The following CAPG variants were observed in gnomAD, a reference collection of about 807,000 sequenced individuals.
CAPG encodes the protein macrophage-capping protein.
A neutral mutation model predicts 44.6 loss-of-function variants in CAPG; 32 were observed. The observed-to-expected ratio is 0.72, with a 90% confidence interval of 0.54 to 0.96. The LOEUF is 0.96. Ranked by LOEUF, CAPG falls within the 50% of genes least tolerant of loss-of-function variation. The pLI is 0.00. For synonymous variants in CAPG, 175 were observed against 179.6 expected (o/e 0.97, Z 0.20); for missense variants, 412 against 438.3 (o/e 0.94, Z 0.54).
At chr2:85,408,160 T>C (rs1687252933) in intron 1 of CAPG, among the ~76,000 whole-genome samples, 1 of 151,992 alleles carries the variant, frequency 6.6e-6, no homozygotes, top group African/African-American at 2.4e-5. Context: ...CTGGCCAACA[T>C]GGTGAAACTC....
chr2:85,392,288 G>A (rs1437873661), downstream of CAPG, among the ~76,000 whole-genome samples: 1 of 152,082 alleles, frequency 6.6e-6, no homozygotes, highest in Non-Finnish European at 1.5e-5. Flanking sequence ...TACTCAAGAG[G>A]CTGAGGCAGG....
chr2:85,411,723 CA>C (rs890254974), upstream of CAPG, among the ~76,000 whole-genome samples: 1 of 152,180 alleles, frequency 6.6e-6, no homozygotes, highest in African/African-American at 2.4e-5. Context: ...GACCTTCAAA[CA>C]AAACCTCATT....
chr2:85,405,396 A>T (rs1687100113), intron 1 of CAPG, among the ~76,000 whole-genome samples: 1 of 152,110 alleles, frequency 6.6e-6, no homozygotes, highest in African/African-American at 2.4e-5. Flanking sequence ...CTGTGCATCC[A>T]TTTGGACAGA....
downstream of CAPG, among the ~76,000 whole-genome samples, chr2:85,392,613 ACTC>A (rs1274891846): frequency 6.6e-6 from 1 of 151,878 alleles, no homozygotes; most frequent in Admixed American, 6.6e-5. Context: ...GTGGAGGGGA[ACTC>A]CTGACTGCTG....
intron 1 of CAPG, among the ~76,000 whole-genome samples, chr2:85,409,263 C>T (rs2104847203): frequency 6.6e-6 from 1 of 152,262 alleles, no homozygotes; most frequent in South Asian, 2.1e-4. Flanking sequence ...GCTGGAGCAG[C>T]CCCAGGAGGC....
At chr2:85,407,259 C>G (rs1189892044) in intron 1 of CAPG, among the ~76,000 whole-genome samples, 1 of 152,098 alleles carries the variant, frequency 6.6e-6, no homozygotes, top group East Asian at 1.9e-4. Context: ...AGTGCCCAAG[C>G]CCCTGGTCTG....
upstream of CAPG, among the ~76,000 whole-genome samples, chr2:85,415,271 G>T (rs886210367): frequency 2.0e-5 from 3 of 152,158 alleles, no homozygotes; most frequent in Admixed American, 6.5e-5. Flanking sequence ...CACGCCCATG[G>T]GAACACTTCT....
chr2:85,394,661 C>T, downstream of CAPG: 1 of 588,610 alleles, frequency 1.7e-6, no homozygotes, highest in African/African-American at 1.9e-5. Context: ...CAAGGCTGTC[C>T]AATTGTCATC....
At chr2:85,416,198 T>TC (rs1290996438) in intron 1 of CAPG, among the ~76,000 whole-genome samples, 1 of 152,214 alleles carries the variant, frequency 6.6e-6, no homozygotes, top group Non-Finnish European at 1.5e-5. Context: ...TCCAGGACAA[T>TC]CAGCTTTCTG....
At position 85,395,566 on chromosome 2, in the gene CAPG, G is replaced by T; in HGVS notation, c.953C>A (p.Ser318Ter). The T allele has an allele frequency of 6.2e-7, 1 of 1,613,832 alleles. No homozygotes were observed. Among genetic ancestry groups the T allele is most frequent in the Non-Finnish European group, 8.5e-7 (1 of 1,179,888 alleles). ...AALQVAEGFI[S>*]RMQYAPNTQV... ...AGTGTTCGGGGCGTACTGCATGCGC[G>T]AGATGAAGCCCTCGGCCACCTGCAG... Residue 318 changes from serine (S) to a stop codon, truncating the protein, a stop_gained, in exon 9 of 10, where the codon TCG becomes TAG. Transcript: ENST00000263867. LOFTEE classifies it high-confidence loss of function. This position sits in a 1 kb window ranked among gnomAD's most constrained non-coding sequence, Gnocchi z 4.3.
chr2:85,401,836 G>A lies in CAPG; in HGVS notation c.145C>T (p.Leu49=), dbSNP rs1210532467. 1.2e-6 allele frequency: 2 copies of A among 1,614,028 alleles called. No homozygotes were observed. The highest frequency in any genetic ancestry group is 2.7e-5 in the African/African-American group (2 of 74,914). The change falls in exon 3 of 10, where the codon CTA becomes TTA. Residue 49 remains leucine, a synonymous_variant. Transcript: ENST00000263867. ...TCTTCTGGGCCATTGTGCAGCACTAGGTAGGAGTCCCCCGAGAAGAAGACG... is the reference window on the plus strand; with the variant it reads ...TCTTCTGGGCCATTGTGCAGCACTAAGTAGGAGTCCCCCGAGAAGAAGACG... ...QGVFFSGDSY[L]VLHNGPEEVS...
chr2:85,416,815 A>C (rs935907942), intron 1 of CAPG, among the ~76,000 whole-genome samples: 1 of 152,100 alleles, frequency 6.6e-6, no homozygotes, highest in Non-Finnish European at 1.5e-5. Context: ...CACCGGCCCC[A>C]AATATTTATT....
At chr2:85,408,153 G>A (rs1558737407) in intron 1 of CAPG, among the ~76,000 whole-genome samples, 1 of 152,080 alleles carries the variant, frequency 6.6e-6, no homozygotes, top group Non-Finnish European at 1.5e-5. Context: ...GACCAGCCTG[G>A]CCAACATGGT....
upstream of CAPG, among the ~76,000 whole-genome samples, chr2:85,412,845 T>A (rs1325679905): frequency 6.6e-6 from 1 of 152,140 alleles, no homozygotes; most frequent in African/African-American, 2.4e-5. Context: ...TGACTTAACC[T>A]CCTGGAGCCT....
intron 1 of CAPG, among the ~76,000 whole-genome samples, chr2:85,409,013 C>T (rs1351467541): frequency 6.6e-6 from 1 of 152,170 alleles, no homozygotes; most frequent in African/African-American, 2.4e-5. Context: ...CTCTTCTACA[C>T]CTCTTAAAGC....
Position 85,399,147 on chromosome 2 carries a change from C to T in CAPG, c.655G>A (p.Glu219Lys). 1.2e-6 allele frequency: 2 copies of T among 1,614,070 alleles called. No individual in the cohort carries two copies. The change falls in exon 6 of 10, where the codon GAG (glutamate) becomes AAG (lysine). Residue 219 changes from glutamate to lysine, a missense_variant. Coordinates refer to ENST00000263867, the MANE Select transcript of CAPG (RefSeq NM_001747.4). ...CAATGTCCCCCAACCTGGATCATCT[C>T]AGCAGGCTCCTCCCCATCAGTGACA... is the stretch of plus-strand genomic sequence containing the variant. Reference protein sequence around the residue: ...EIVTDGEEPAEMIQVLGPKPA... With the variant: ...EIVTDGEEPAKMIQVLGPKPA...
At chr2:85,391,920 C>A (rs1235478446), downstream of CAPG, among the ~76,000 whole-genome samples, 1 of 152,160 alleles carries the variant, frequency 6.6e-6, no homozygotes, top group Non-Finnish European at 1.5e-5. Context: ...CCAAACCTTG[C>A]TGAATTCATA....
At chr2:85,399,818 C>T (rs550613833) in intron 5 of CAPG, among the ~76,000 whole-genome samples, 185 of 151,288 alleles carry the variant, frequency 1.2e-3, no homozygotes, top group African/African-American at 4.1e-3. Context: ...CTCAGCTCAC[C>T]GCAACCTCCA....
chr2:85,408,157 A>G (rs904073098), intron 1 of CAPG, among the ~76,000 whole-genome samples: 5 of 152,132 alleles, frequency 3.3e-5, no homozygotes, highest in African/African-American at 1.2e-4. Flanking sequence ...AGCCTGGCCA[A>G]CATGGTGAAA....
Sources: gnomAD v4.1 joint callset for allele counts (sites outside exome capture counted in the v4.1 genomes callset) on GRCh38, gnomAD v4.1.1 for gene constraint, Gnocchi (gnomAD v3.1) non-coding constraint, MANE v1.5 for transcripts, NCBI Gene and HGNC (gene_info 2026-07-23, HGNC 2026-07-21) for gene names.